The following RNGTT variants were observed in gnomAD, a reference collection of about 807,000 sequenced individuals.
The protein encoded by RNGTT is RNA guanylyltransferase and 5'-phosphatase, also known as mRNA-capping enzyme.
RNGTT carries 33 observed loss-of-function variants against 79.3 expected under a neutral mutation model. The observed-to-expected ratio is 0.42, with a 90% CI of 0.32 to 0.56. The LOEUF is 0.56. Ranked by LOEUF, RNGTT falls within the 20% of genes least tolerant of loss-of-function variation. The probability of loss-of-function intolerance (pLI) is 0.17; values close to 1 mark genes in which losing one functional copy is unlikely to be tolerated. For synonymous variants in RNGTT, 222 were observed against 235.9 expected (o/e 0.94, Z 0.54); for missense variants, 497 against 739.1 (o/e 0.67, Z 3.80).
At chr6:88,790,072 A>T (rs1779355300) in intron 12 of RNGTT, among the ~76,000 whole-genome samples, 1 of 152,238 alleles carries the variant, frequency 6.6e-6, no homozygotes, top group Non-Finnish European at 1.5e-5. Flanking sequence ...GAAAACAAAA[A>T]TAGGAGACTG....
At chr6:88,672,309 GTA>G (rs1774684760) in intron 14 of RNGTT, among the ~76,000 whole-genome samples, 1 of 150,202 alleles carries the variant, frequency 6.7e-6, no homozygotes, top group South Asian at 2.1e-4. Flanking sequence ...ATATATAAAT[GTA>G]TACACATATA....
chr6:88,685,810 C>T (rs1365718729), intron 13 of RNGTT, among the ~76,000 whole-genome samples: 2 of 151,774 alleles, frequency 1.3e-5, no homozygotes, highest in Admixed American at 1.3e-4. Flanking sequence ...TCTAAATGAT[C>T]TAAGTAAATA....
At chr6:88,852,034 TTC>T (rs72119979) in intron 9 of RNGTT, among the ~76,000 whole-genome samples, 14,417 of 152,072 alleles carry the variant, frequency 0.095, 877 homozygotes, top group Middle Eastern at 0.2. Flanking sequence ...ATAGAAATCT[TTC>T]TGTTTCTAAT....
intron 14 of RNGTT, among the ~76,000 whole-genome samples, chr6:88,645,054 A>G (rs1188689243): frequency 6.6e-6 from 1 of 152,198 alleles, no homozygotes; most frequent in Non-Finnish European, 1.5e-5. Flanking sequence ...GAAAAGAGGA[A>G]GTCAAATTGT....
At chr6:88,709,227 C>A (rs898348723) in intron 13 of RNGTT, among the ~76,000 whole-genome samples, 1 of 152,180 alleles carries the variant, frequency 6.6e-6, no homozygotes, top group South Asian at 2.1e-4. Context: ...ACCACTTGAA[C>A]CCGGAAGGAG....
At chr6:88,936,263 T>A (rs1784662456) in intron 2 of RNGTT, among the ~76,000 whole-genome samples, 1 of 152,198 alleles carries the variant, frequency 6.6e-6, no homozygotes. Context: ...TTACTGAATT[T>A]CTCATCAGAT....
At chr6:88,679,743 G>C (rs1775017817) in intron 13 of RNGTT, among the ~76,000 whole-genome samples, 1 of 152,038 alleles carries the variant, frequency 6.6e-6, no homozygotes, top group Admixed American at 6.6e-5. Context: ...AGTGGTACAG[G>C]GTATAGGAAG....
chr6:88,623,563 G>C (rs1772518254), intron 14 of RNGTT, among the ~76,000 whole-genome samples: 1 of 151,602 alleles, frequency 6.6e-6, no homozygotes, highest in East Asian at 1.9e-4. Context: ...CTTAGTATAT[G>C]TGTTTCTTCT....
chr6:88,842,553 G>T (rs758159667), intron 11 of RNGTT, among the ~76,000 whole-genome samples: 2 of 152,184 alleles, frequency 1.3e-5, no homozygotes, highest in Admixed American at 6.5e-5. Context: ...GCATGAAGAA[G>T]AGACAGTGAA....
intron 11 of RNGTT, among the ~76,000 whole-genome samples, chr6:88,817,981 G>C (rs1023584466): frequency 6.6e-6 from 1 of 151,320 alleles, no homozygotes; most frequent in African/African-American, 2.4e-5. Context: ...AGATGGTCTC[G>C]ATCTCCTGAC....
chr6:88,668,028 T>C (rs1312149962), intron 14 of RNGTT, among the ~76,000 whole-genome samples: 1 of 152,146 alleles, frequency 6.6e-6, no homozygotes, highest in African/African-American at 2.4e-5. Flanking sequence ...CTAGGAGAAA[T>C]TGAGCTGCAA....
chr6:88,754,216 C>T (rs1207697366), intron 13 of RNGTT, among the ~76,000 whole-genome samples: 1 of 152,052 alleles, frequency 6.6e-6, no homozygotes, highest in South Asian at 2.1e-4. Flanking sequence ...GTATGAAATT[C>T]GAGGGCTTCC....
intron 13 of RNGTT, among the ~76,000 whole-genome samples, chr6:88,752,858 T>C (rs371069268): frequency 2.0e-5 from 3 of 151,960 alleles, no homozygotes; most frequent in East Asian, 1.9e-4. Flanking sequence ...CTCATGTACC[T>C]CATAAATATA....
chr6:88,909,876 G>A (rs1783776530), intron 4 of RNGTT, among the ~76,000 whole-genome samples: 1 of 151,752 alleles, frequency 6.6e-6, no homozygotes, highest in Non-Finnish European at 1.5e-5. Context: ...AACTCATACA[G>A]AGCCTTGGCC....
chr6:88,840,619 G>C (rs1045860799), intron 11 of RNGTT, among the ~76,000 whole-genome samples: 1 of 152,062 alleles, frequency 6.6e-6, no homozygotes, highest in African/African-American at 2.4e-5. Context: ...GGCTGGTCTC[G>C]AACTCTTGGG....
At chr6:88,782,993 C>T (rs1562250367) in intron 12 of RNGTT, among the ~76,000 whole-genome samples, 1 of 152,054 alleles carries the variant, frequency 6.6e-6, no homozygotes. Context: ...TGAGGTTCCT[C>T]AAAAAATTAA....
chr6:88,892,185 A>G (rs1209232980), intron 6 of RNGTT, among the ~76,000 whole-genome samples: 1 of 152,084 alleles, frequency 6.6e-6, no homozygotes, highest in African/African-American at 2.4e-5. Context: ...TCTACCATTT[A>G]TTGAGATCCA....
At chr6:88,943,538 G>A (rs1418324374) in intron 1 of RNGTT, among the ~76,000 whole-genome samples, 1 of 151,726 alleles carries the variant, frequency 6.6e-6, no homozygotes, top group Non-Finnish European at 1.5e-5. Context: ...CATTGTTCTA[G>A]GCGCACGGAT....
intron 11 of RNGTT, among the ~76,000 whole-genome samples, chr6:88,825,593 T>G (rs1049860169): frequency 6.6e-6 from 1 of 152,188 alleles, no homozygotes; most frequent in African/African-American, 2.4e-5. Flanking sequence ...ATACATATAT[T>G]TTTTTAAAAA....
Sources: allele counts gnomAD v4.1 joint callset (sites outside exome capture counted in the v4.1 genomes callset), GRCh38; gene constraint gnomAD v4.1.1; transcripts MANE v1.5; gene names NCBI Gene and HGNC (gene_info 2026-07-23, HGNC 2026-07-21).